Variants in CACNA2D2 observed in about 807,000 individuals in gnomAD.
CACNA2D2 encodes calcium voltage-gated channel auxiliary subunit alpha2delta 2.
CACNA2D2 carries 48 observed loss-of-function variants against 166.4 expected under a neutral mutation model. That is an observed-to-expected ratio of 0.29 (90% confidence interval 0.23 to 0.37). The LOEUF (loss-of-function observed/expected upper bound fraction) is 0.37. CACNA2D2 is among the 10% of genes least tolerant of loss of function. The pLI is 1.00. For synonymous variants in CACNA2D2, 561 were observed against 573.7 expected (o/e 0.98, Z 0.32); for missense variants, 1,122 against 1,433.0 (o/e 0.78, Z 3.50).
intron 22 of CACNA2D2, among the ~76,000 whole-genome samples, chr3:50,371,964 C>T (rs1024711299): frequency 2.0e-5 from 3 of 151,232 alleles, no homozygotes; most frequent in Admixed American, 2.0e-4. Context: ...TGGCTCTGAT[C>T]CCTTTATCCC....
intron 1 of CACNA2D2, among the ~76,000 whole-genome samples, chr3:50,485,909 G>A (rs570749259): frequency 3.9e-5 from 6 of 152,284 alleles, no homozygotes; most frequent in Admixed American, 6.5e-5. Context: ...CCAGGGGCAC[G>A]GGGACAGGAA....
chr3:50,483,141 C>T (rs559505956), intron 1 of CACNA2D2, among the ~76,000 whole-genome samples: 2 of 152,318 alleles, frequency 1.3e-5, no homozygotes, highest in African/African-American at 4.8e-5. Context: ...CAAGCTGGCA[C>T]AACCAAGGCA....
At chr3:50,463,703 T>C (rs1709691024) in intron 2 of CACNA2D2, among the ~76,000 whole-genome samples, 1 of 152,186 alleles carries the variant, frequency 6.6e-6, no homozygotes, top group Non-Finnish European at 1.5e-5. Flanking sequence ...CTCCCTGGAA[T>C]CCCCAACTCT....
chr3:50,366,965 T>C lies in CACNA2D2; in HGVS notation c.2500+46A>G, dbSNP rs778565522. On this transcript the variant is annotated intron_variant, in intron 28 of 37. Transcript: ENST00000424201. This position sits in a 1 kb window ranked among gnomAD's most constrained non-coding sequence, Gnocchi z 5.9. ...CCATCAGTGCTACCTGCCCAGGCAG[T>C]ACCCTGTCCATTGCCTGTTTCCCCA... 29 of 1,612,758 alleles carry C rather than the reference T, an allele frequency of 1.8e-5. No homozygotes were observed. The East Asian group carries it at 6.2e-4, about 35-fold the overall frequency.
At chr3:50,496,358 T>G (rs1353460041) in intron 1 of CACNA2D2, among the ~76,000 whole-genome samples, 1 of 152,212 alleles carries the variant, frequency 6.6e-6, no homozygotes, top group Non-Finnish European at 1.5e-5. Flanking sequence ...CAAGTGGGTA[T>G]ACGCACAAGC....
At chr3:50,435,134 GGTGTGT>G (rs58208345) in intron 2 of CACNA2D2, among the ~76,000 whole-genome samples, 2 of 149,694 alleles carry the variant, frequency 1.3e-5, no homozygotes, top group Admixed American at 1.3e-4. Context: ...TAAATCTGAG[GGTGTGT>G]GTGTGTGTGT....
In CACNA2D2 at chr3:50,367,057, G is replaced by A; in HGVS notation, c.2454C>T (p.Ser818=). The change falls in exon 28 of 38, where the codon AGC becomes AGT. Residue 818 remains serine (S), a synonymous_variant. Coordinates refer to ENST00000424201, the MANE Select transcript of CACNA2D2 (RefSeq NM_006030.4). This position sits in a 1 kb window ranked among gnomAD's most constrained non-coding sequence, Gnocchi z 6.5. ...LENDTVGILV[S]TAVELSLGRR... ...TGCCTAGGCTGAGCTCCACAGCTGT[G>A]CTGACGAGGATGCCCACAGTGTCAT... 2 of 1,613,782 alleles carry A rather than the reference G, an allele frequency of 1.2e-6. No individual in the cohort carries two copies. Among genetic ancestry groups the A allele is most frequent in the Non-Finnish European group, 1.7e-6 (2 of 1,180,024 alleles).
intron 1 of CACNA2D2, among the ~76,000 whole-genome samples, chr3:50,498,214 C>T (rs879891167): frequency 6.6e-6 from 1 of 152,186 alleles, no homozygotes; most frequent in East Asian, 1.9e-4. Context: ...CCCAAACCTC[C>T]AGCTGCCCCT....
intron 2 of CACNA2D2, among the ~76,000 whole-genome samples, chr3:50,449,049 A>T (rs1401597877): frequency 6.6e-6 from 1 of 152,208 alleles, no homozygotes; most frequent in Non-Finnish European, 1.5e-5. Flanking sequence ...GGTGGGCGAG[A>T]AAAAATTATC....
Position 50,367,656 on chromosome 3 carries a change from T to C in CACNA2D2, c.2283A>G (p.Arg761=). ...VFAATDGGIT[R]VFPNKAAEDW... The stretch of plus-strand genomic sequence containing the variant: ...AGGTCACTTACTTGTTGGGGAAGAC[T>C]CGGGTGATGCCACCGTCTGTGGCAG... Residue 761 remains arginine (R), a synonymous_variant, in exon 26 of 38, where the codon CGA becomes CGG. Transcript: ENST00000424201. The surrounding 1 kb of genome is among the most constrained non-coding windows in gnomAD (Gnocchi z 6.5). 3.1e-6 allele frequency: 5 copies of C among 1,611,476 alleles called. No homozygotes were observed. Among genetic ancestry groups the C allele is most frequent in the Non-Finnish European group, 4.2e-6 (5 of 1,178,350 alleles).
intron 2 of CACNA2D2, among the ~76,000 whole-genome samples, chr3:50,458,977 A>G (rs1445326531): frequency 3.3e-5 from 5 of 152,188 alleles, no homozygotes; most frequent in African/African-American, 4.8e-5. Flanking sequence ...GAGCTGGGGC[A>G]TGTGTTAGTG....
chr3:50,452,969 CCT>C (rs1709174312), intron 2 of CACNA2D2, among the ~76,000 whole-genome samples: 1 of 152,188 alleles, frequency 6.6e-6, no homozygotes, highest in South Asian at 2.1e-4. Flanking sequence ...TCTAGGATTT[CCT>C]CTTTGTCTGA....
chr3:50,377,419 G>A, intron 17 of CACNA2D2, 48 bp downstream of exon 17: 1 of 1,469,286 alleles, frequency 6.8e-7, no homozygotes, highest in Non-Finnish European at 9.5e-7. Flanking sequence ...GAGCCTGCCT[G>A]TGTCCACATG....
chr3:50,453,979 C>T (rs755663910), intron 2 of CACNA2D2, among the ~76,000 whole-genome samples: 2 of 152,020 alleles, frequency 1.3e-5, no homozygotes, highest in African/African-American at 4.8e-5. Context: ...CCCCGCCTCA[C>T]GGAGCCCCAT....
intron 3 of CACNA2D2, among the ~76,000 whole-genome samples, chr3:50,407,104 T>C (rs913190125): frequency 2.6e-5 from 4 of 151,748 alleles, no homozygotes; most frequent in Non-Finnish European, 5.9e-5. Context: ...TGGGCACTCT[T>C]ACTAAACACA....
chr3:50,406,010 C>G (rs1706692710), intron 3 of CACNA2D2, among the ~76,000 whole-genome samples: 1 of 151,294 alleles, frequency 6.6e-6, no homozygotes, highest in Non-Finnish European at 1.5e-5. Context: ...TATCCATTGC[C>G]CTTCCCCACA....
chr3:50,375,804 C>T lies in CACNA2D2; in HGVS notation c.1845+5G>A, dbSNP rs781310040. The T allele has an allele frequency of 6.2e-7, 1 of 1,613,054 alleles. No individual in the cohort carries two copies. Among genetic ancestry groups the T allele is most frequent in the South Asian group, 1.1e-5 (1 of 91,080 alleles). On this transcript the variant is annotated splice_donor_5th_base_variant and intron_variant, in intron 20 of 37. Coordinates refer to ENST00000424201, the MANE Select transcript of CACNA2D2 (RefSeq NM_006030.4). The surrounding 1 kb of genome is among the most constrained non-coding windows in gnomAD (Gnocchi z 4.0). ...ACTCCCTGGCCCCCAGCCCTGCCTC[C>T]TTACCTCATCCAGGGACTTGACCAA...
chr3:50,396,374 G>T lies in CACNA2D2; in HGVS notation c.406-2206C>A, dbSNP rs147715551. On this transcript the variant is annotated intron_variant, in intron 3 of 37. Coordinates refer to ENST00000424201, the MANE Select transcript of CACNA2D2 (RefSeq NM_006030.4). ...GAGCCTTTTCTCCAAATGTAGATCT[G>T]GTCATGACACCGTCCCCTGTCCCAA... 6.2e-3 allele frequency among the ~76,000 whole-genome samples: 932 copies of T among 151,354 alleles called. 12 individuals are homozygous for T. The highest frequency in any genetic ancestry group is 0.02 in the African/African-American group (842 of 41,154).
In CACNA2D2 at chr3:50,396,240, C is replaced by G. The variant is rs113887534; in HGVS notation, c.406-2072G>C. On this transcript the variant is annotated intron_variant, in intron 3 of 37. Coordinates refer to ENST00000424201, the MANE Select transcript of CACNA2D2 (RefSeq NM_006030.4). ...CCCTGGCCCCTCTGCCTCCTCCATT[C>G]CACCCCAGCATCCCTCACACCACCT... Among the ~76,000 whole-genome samples, 191 of 152,224 alleles carry G rather than the reference C, an allele frequency of 1.3e-3. 1 individual carries two copies. Among genetic ancestry groups the G allele is most frequent in the African/African-American group, 4.2e-3 (176 of 41,526 alleles).
Sources: allele counts gnomAD v4.1 joint callset (sites outside exome capture counted in the v4.1 genomes callset), GRCh38; gene constraint gnomAD v4.1.1; non-coding constraint Gnocchi (gnomAD v3.1); transcripts MANE v1.5; gene names NCBI Gene and HGNC (gene_info 2026-07-23, HGNC 2026-07-21).